Variants in ERBB4 observed in about 807,000 individuals in gnomAD.
The protein encoded by ERBB4 is erb-b2 receptor tyrosine kinase 4, also known as receptor tyrosine-protein kinase erbB-4.
ERBB4 carries 42 observed loss-of-function variants against 158.0 expected under a neutral mutation model. That is an observed-to-expected ratio of 0.27 (90% CI 0.21 to 0.34). The LOEUF (loss-of-function observed/expected upper bound fraction) is 0.34, where lower values mean the gene tolerates loss of function less well. Ranked by LOEUF, ERBB4 falls within the 10% of genes least tolerant of loss-of-function variation. The pLI is 1.00. For missense variants in ERBB4, 1,333 were observed against 1,624.1 expected (o/e 0.82, Z 3.08); for synonymous variants, 583 against 558.7 (o/e 1.04, Z -0.61).
chr2:212,242,040 C>G (rs13399210), intron 1 of ERBB4, among the ~76,000 whole-genome samples: 24 of 151,934 alleles, frequency 1.6e-4, no homozygotes, highest in Non-Finnish European at 2.7e-4. Flanking sequence ...ATTTTATATG[C>G]TATAGATTAA....
intron 19 of ERBB4, among the ~76,000 whole-genome samples, chr2:211,565,144 A>T (rs915543456): frequency 2.0e-5 from 3 of 152,202 alleles, no homozygotes; most frequent in Non-Finnish European, 2.9e-5. Context: ...CTATGTATGT[A>T]ACAAAATTAT....
intron 1 of ERBB4, among the ~76,000 whole-genome samples, chr2:212,126,776 A>G (rs2079944095): frequency 6.6e-6 from 1 of 152,202 alleles, no homozygotes; most frequent in Non-Finnish European, 1.5e-5. Context: ...AGTAAAAAAG[A>G]TGCTATGATG....
chr2:211,883,165 GA>G (rs2078707161), intron 3 of ERBB4, among the ~76,000 whole-genome samples: 1 of 152,132 alleles, frequency 6.6e-6, no homozygotes, highest in African/African-American at 2.4e-5. Flanking sequence ...GATGAAGCTG[GA>G]AACCATCATT....
At chr2:212,137,366 C>T (rs2080305379) in intron 1 of ERBB4, among the ~76,000 whole-genome samples, 1 of 152,166 alleles carries the variant, frequency 6.6e-6, no homozygotes, top group South Asian at 2.1e-4. Context: ...TGTACTGTTC[C>T]CCTCTGTGTG....
At chr2:211,445,191 T>G (rs2064080616) in intron 20 of ERBB4, among the ~76,000 whole-genome samples, 1 of 152,092 alleles carries the variant, frequency 6.6e-6, no homozygotes, top group Non-Finnish European at 1.5e-5. Context: ...ACAAATTGAC[T>G]TGATCAGATT....
intron 4 of ERBB4, among the ~76,000 whole-genome samples, chr2:211,781,683 T>C (rs1057105762): frequency 2.6e-5 from 4 of 152,212 alleles, no homozygotes; most frequent in Admixed American, 2.6e-4. Context: ...AAAATTATAA[T>C]TGCAAGGTCC....
intron 1 of ERBB4, among the ~76,000 whole-genome samples, chr2:212,190,643 G>C (rs1295550095): frequency 1.3e-5 from 2 of 152,058 alleles, no homozygotes; most frequent in South Asian, 2.1e-4. Context: ...CCTTTGCAGT[G>C]AATGTTGCAG....
chr2:212,248,026 T>C (rs1052347794), intron 1 of ERBB4, among the ~76,000 whole-genome samples: 2 of 152,138 alleles, frequency 1.3e-5, no homozygotes, highest in Non-Finnish European at 2.9e-5. Context: ...GTGATTATCA[T>C]TGTGGTTTGA....
intron 1 of ERBB4, among the ~76,000 whole-genome samples, chr2:212,337,615 A>G (rs2088506232): frequency 6.6e-6 from 1 of 152,068 alleles, no homozygotes; most frequent in Non-Finnish European, 1.5e-5. Context: ...CACATTCTGT[A>G]TGTCTGGAGT....
intron 2 of ERBB4, among the ~76,000 whole-genome samples, chr2:212,099,463 G>C (rs1464970207): frequency 6.6e-6 from 1 of 152,124 alleles, no homozygotes; most frequent in East Asian, 1.9e-4. Flanking sequence ...ACAGTACATT[G>C]TGATAAATGT....
chr2:211,697,388 AC>A (rs1435805156), intron 12 of ERBB4, among the ~76,000 whole-genome samples: 1 of 152,234 alleles, frequency 6.6e-6, no homozygotes, highest in Non-Finnish European at 1.5e-5. Context: ...GTCTAAAAAT[AC>A]AAGATCAAAC....
intron 1 of ERBB4, among the ~76,000 whole-genome samples, chr2:212,338,751 T>A (rs1006123529): frequency 6.6e-6 from 1 of 152,116 alleles, no homozygotes; most frequent in African/African-American, 2.4e-5. Context: ...AAAAGAAAAT[T>A]CAGAGAAATA....
At chr2:211,876,092 A>T (rs114431479) in intron 3 of ERBB4, among the ~76,000 whole-genome samples, 2,502 of 152,256 alleles carry the variant, frequency 0.016, 45 homozygotes, top group African/African-American at 0.045. Flanking sequence ...ATACACAGGC[A>T]CTCAGCAGTC....
At chr2:211,591,519 T>A (rs1218138473) in intron 19 of ERBB4, among the ~76,000 whole-genome samples, 1 of 152,228 alleles carries the variant, frequency 6.6e-6, no homozygotes, top group Non-Finnish European at 1.5e-5. Context: ...TAAGTCATAC[T>A]CATCCACTGC....
chr2:212,527,322 C>T (rs949661623), intron 1 of ERBB4, among the ~76,000 whole-genome samples: 7 of 152,256 alleles, frequency 4.6e-5, no homozygotes, highest in African/African-American at 7.2e-5. Flanking sequence ...TTTTACACTA[C>T]GTAATATTAG....
At chr2:211,685,842 T>G (rs967264424) in intron 12 of ERBB4, among the ~76,000 whole-genome samples, 1 of 152,202 alleles carries the variant, frequency 6.6e-6, no homozygotes, top group Non-Finnish European at 1.5e-5. Flanking sequence ...GTATATGTTT[T>G]GTTAAATTTA....
intron 1 of ERBB4, among the ~76,000 whole-genome samples, chr2:212,388,082 A>G (rs1409150027): frequency 1.3e-5 from 2 of 152,172 alleles, no homozygotes; most frequent in African/African-American, 4.8e-5. Flanking sequence ...GCTTCTATAT[A>G]GATCCCTTGA....
At chr2:212,524,042 T>C (rs1005470381) in intron 1 of ERBB4, among the ~76,000 whole-genome samples, 6 of 151,990 alleles carry the variant, frequency 3.9e-5, no homozygotes, top group Admixed American at 3.9e-4. Flanking sequence ...TCCCTAGCTA[T>C]TGAAGACAGT....
chr2:211,557,504 T>C (rs988432340), intron 20 of ERBB4, among the ~76,000 whole-genome samples: 13 of 151,888 alleles, frequency 8.6e-5, no homozygotes, highest in Admixed American at 1.3e-4. Context: ...CCAGCAAGCA[T>C]ATGAAAAAAA....
Sources: allele counts gnomAD v4.1 joint callset (sites outside exome capture counted in the v4.1 genomes callset), GRCh38; gene constraint gnomAD v4.1.1; transcripts MANE v1.5; gene names NCBI Gene and HGNC (gene_info 2026-07-23, HGNC 2026-07-21).